PTK2: variants seen among roughly 807,000 people sequenced by gnomAD.
PTK2 encodes the protein focal adhesion kinase 1.
PTK2 carries 45 observed loss-of-function variants against 150.1 expected under a neutral mutation model. The ratio of observed to expected loss-of-function variants is 0.30; its 90% confidence interval spans 0.24 to 0.38. The LOEUF (loss-of-function observed/expected upper bound fraction) is 0.38, where lower values mean the gene tolerates loss of function less well. Among genes scored for constraint, PTK2 ranks in the 10% least tolerant of loss-of-function variants. PTK2 has a pLI of 1.00. For synonymous variants in PTK2, 432 were observed against 449.2 expected (o/e 0.96, Z 0.48); for missense variants, 919 against 1,307.3 (o/e 0.70, Z 4.58).
chr8:140,930,118 TTATAA>T (rs1468067042), intron 1 of PTK2, among the ~76,000 whole-genome samples: 4 of 152,202 alleles, frequency 2.6e-5, no homozygotes, highest in African/African-American at 4.8e-5. Context: ...AGTTTGAGGC[TTATAA>T]TATGTTTATT....
rs1028875891 is a variant in PTK2, at chr8:140,686,900, C to T, written c.2500-206G>A. On this transcript the variant is annotated intron_variant, in intron 26 of 31. Transcript: ENST00000522684. ...CTGCATTCCTCTCCACACACGCACACCTTACAGACTGGTACCTGCACTGGC... is the reference window on the plus strand; with the variant it reads ...CTGCATTCCTCTCCACACACGCACATCTTACAGACTGGTACCTGCACTGGC... The T allele has an allele frequency of 5.3e-6, 3 of 562,460 alleles. No homozygotes were observed. In the African/African-American group the frequency reaches 5.7e-5, roughly 11 times the overall value. The allele number at this position is 562,460 out of a possible 1,614,324, so 34.8% of individuals were successfully genotyped here. A position where few individuals can be genotyped will look rare whatever the true frequency, so the allele number is the denominator to read the frequency against.
intron 1 of PTK2, among the ~76,000 whole-genome samples, chr8:140,943,456 A>G (rs1019031107): frequency 2.0e-5 from 3 of 152,230 alleles, no homozygotes; most frequent in Non-Finnish European, 2.9e-5. Context: ...GTATAGGTGT[A>G]CCAAAATCTG....
rs187590499 is a variant in PTK2, at chr8:140,678,459, G to A, written c.2563-2960C>T. On this transcript the variant is annotated intron_variant, in intron 27 of 31. Coordinates refer to ENST00000522684, the Ensembl canonical transcript of PTK2. The stretch of plus-strand genomic sequence containing the variant: ...CTTCCTGGGCTCAAGTGATGCTCCT[G>A]CCTCAGCCTTTTGAGTAGCTGGGAG... Among the ~76,000 whole-genome samples the A allele has an allele frequency of 3.3e-5, 5 of 152,332 alleles. No homozygotes were observed. The East Asian group carries it at 9.6e-4, about 29-fold the overall frequency.
At chr8:140,987,441 A>G (rs899435644) in intron 1 of PTK2, among the ~76,000 whole-genome samples, 1 of 152,188 alleles carries the variant, frequency 6.6e-6, no homozygotes, top group African/African-American at 2.4e-5. Flanking sequence ...TCGGCCTCCC[A>G]AAGTGCTGGG....
chr8:140,915,733 TA>T (rs544451987), intron 2 of PTK2, among the ~76,000 whole-genome samples: 9 of 147,476 alleles, frequency 6.1e-5, no homozygotes, highest in Non-Finnish European at 9.0e-5. Flanking sequence ...CCGTCTCTAC[TA>T]AAAAAAAAAA....
chr8:140,789,090 T>C lies in PTK2; in HGVS notation c.1177+384A>G, dbSNP rs140888794. 2.0e-5 allele frequency among the ~76,000 whole-genome samples: 3 copies of C among 152,318 alleles called. No homozygotes were observed. In the East Asian group the frequency reaches 5.8e-4, roughly 29 times the overall value. On this transcript the variant is annotated intron_variant, in intron 14 of 31. Coordinates refer to ENST00000522684, the Ensembl canonical transcript of PTK2. ...AACACCATATTGTGAAAGACAAAAA[T>C]TGTTTTAAAATGTCTCACATTTCCT...
chr8:140,927,975 A>AAAAATAT, intron 1 of PTK2, among the ~76,000 whole-genome samples: 44 of 48,144 alleles, frequency 9.1e-4, no homozygotes, highest in Non-Finnish European at 1.2e-3. Context: ...AAAAAAAAAA[A>AAAAATAT]ATATATATAT....
At chr8:140,776,254 C>T (rs56774314) in intron 14 of PTK2, among the ~76,000 whole-genome samples, 24,244 of 152,194 alleles carry the variant, frequency 0.16, 2,436 homozygotes, top group East Asian at 0.49. Flanking sequence ...CCGCCCGCCT[C>T]GGCCTCTCAA....
At chr8:140,918,400 G>C (rs2100166147) in intron 2 of PTK2, among the ~76,000 whole-genome samples, 2 of 152,060 alleles carry the variant, frequency 1.3e-5, no homozygotes, top group African/African-American at 2.4e-5. Context: ...CCCAAACAGG[G>C]CTTTCTGCAT....
At chr8:140,828,638 C>G (rs2100113402) in intron 8 of PTK2, among the ~76,000 whole-genome samples, 1 of 152,164 alleles carries the variant, frequency 6.6e-6, no homozygotes, top group African/African-American at 2.4e-5. Flanking sequence ...CTCTTCTATC[C>G]AACAGCAATG....
Position 140,957,866 on chromosome 8 carries a change from A to G in PTK2, c.-121-32117T>C, listed in dbSNP as rs192266272. On this transcript the variant is annotated intron_variant, in intron 1 of 31. Coordinates refer to ENST00000522684, the Ensembl canonical transcript of PTK2. ...CATCTAAATTTGCTGAGTACACTCT[A>G]TGACATTTGTACAATGAAATCACCT... Among the ~76,000 whole-genome samples, 362 of 152,334 alleles carry G rather than the reference A, an allele frequency of 2.4e-3. 3 individuals carry two copies. The highest frequency in any genetic ancestry group is 8.5e-3 in the African/African-American group (353 of 41,576).
At chr8:140,960,337 C>A (rs1242254188) in intron 1 of PTK2, among the ~76,000 whole-genome samples, 1 of 151,108 alleles carries the variant, frequency 6.6e-6, no homozygotes, top group Non-Finnish European at 1.5e-5. Flanking sequence ...AGCTGGCATG[C>A]GCTACATGAT....
chr8:140,756,442 A>AT (rs1594111889), intron 16 of PTK2, among the ~76,000 whole-genome samples: 1 of 152,164 alleles, frequency 6.6e-6, no homozygotes, highest in Non-Finnish European at 1.5e-5. Flanking sequence ...TCACACCTGT[A>AT]ATCCCAGCAC....
intron 1 of PTK2, among the ~76,000 whole-genome samples, chr8:140,976,686 G>A (rs2100189372): frequency 6.6e-6 from 1 of 152,172 alleles, no homozygotes; most frequent in South Asian, 2.1e-4. Context: ...ACTTCAGCCA[G>A]AAAACAACAC....
At chr8:140,792,927 C>G (rs2100089363) in intron 13 of PTK2, among the ~76,000 whole-genome samples, 1 of 152,144 alleles carries the variant, frequency 6.6e-6, no homozygotes, top group East Asian at 1.9e-4. Flanking sequence ...TTTGGTATTA[C>G]TATTCGATTC....
intron 23 of PTK2, among the ~76,000 whole-genome samples, chr8:140,707,327 C>T (rs1423945048): frequency 6.6e-6 from 1 of 152,146 alleles, no homozygotes; most frequent in Non-Finnish European, 1.5e-5. Flanking sequence ...CGGTGAGACC[C>T]CGTCTCTACT....
intron 14 of PTK2, among the ~76,000 whole-genome samples, chr8:140,778,855 G>T (rs552514315): frequency 4.6e-5 from 7 of 152,192 alleles, no homozygotes; most frequent in Non-Finnish European, 7.3e-5. Flanking sequence ...GGAGGTGGCA[G>T]TCAGAGAGGG....
chr8:140,800,048 A>G (rs900802839), intron 12 of PTK2, among the ~76,000 whole-genome samples: 25 of 152,212 alleles, frequency 1.6e-4, no homozygotes, highest in Non-Finnish European at 1.0e-4. Context: ...TCTTCTTTGA[A>G]TGCTCTAAGC....
intron 30 of PTK2, among the ~76,000 whole-genome samples, chr8:140,666,166 C>T (rs184202499): frequency 2.0e-3 from 298 of 152,190 alleles, no homozygotes; most frequent in Non-Finnish European, 2.5e-3. Context: ...GGTGAAACCC[C>T]GTCTCTACTA....
Sources: allele counts gnomAD v4.1 joint callset (sites outside exome capture counted in the v4.1 genomes callset), GRCh38; gene constraint gnomAD v4.1.1; transcripts MANE v1.5; gene names NCBI Gene and HGNC (gene_info 2026-07-23, HGNC 2026-07-21).